PHF2: variants seen among roughly 807,000 people sequenced by gnomAD.
PHF2 encodes PHD finger protein 2.
A neutral mutation model predicts 120.5 loss-of-function variants in PHF2; 27 were observed. The ratio of observed to expected loss-of-function variants is 0.22; its 90% CI spans 0.17 to 0.31. The LOEUF is 0.31. Among genes scored for constraint, PHF2 ranks in the 10% least tolerant of loss-of-function variants. The probability of loss-of-function intolerance (pLI) is 1.00; values close to 1 mark genes in which losing one functional copy is unlikely to be tolerated. For missense variants in PHF2, 1,024 were observed against 1,434.8 expected (o/e 0.71, Z 4.63); for synonymous variants, 568 against 592.5 (o/e 0.96, Z 0.60).
chr9:93,624,222 T>C (rs371847122), intron 1 of PHF2, among the ~76,000 whole-genome samples: 67 of 152,264 alleles, frequency 4.4e-4, no homozygotes, highest in Non-Finnish European at 1.2e-4. Context: ...TGTCTCAGAG[T>C]GAGTGCTCAG....
intron 1 of PHF2, among the ~76,000 whole-genome samples, chr9:93,592,467 A>G (rs1447891098): frequency 6.6e-6 from 1 of 152,162 alleles, no homozygotes; most frequent in East Asian, 1.9e-4. Flanking sequence ...ACACTTGGCA[A>G]CCTGTAAGTT....
At position 93,676,572 on chromosome 9, in the gene PHF2, G is replaced by T. The variant is rs113247284; in HGVS notation, c.2833-22G>T. On this transcript the variant is annotated intron_variant, in intron 20 of 21. Coordinates refer to ENST00000359246, the MANE Select transcript of PHF2 (RefSeq NM_005392.4). ...CCAAGTGGGCTGTGCGTCTGAGGCT[G>T]CCCTGCATGTTTTGTTCAAAGGAGG... is the stretch of plus-strand genomic sequence containing the variant. 2,108 of 1,571,894 alleles carry T rather than the reference G, an allele frequency of 1.3e-3. 17 individuals are homozygous for T. In the African/African-American group the frequency reaches 0.022, roughly 17 times the overall value.
intron 1 of PHF2, among the ~76,000 whole-genome samples, chr9:93,583,826 C>CTTTTTTTT (rs113746371): frequency 1.6e-5 from 2 of 124,630 alleles, no homozygotes; most frequent in East Asian, 2.3e-4. Context: ...TTTTTCTTTT[C>CTTTTTTTT]TTTTTTTTTT....
intron 1 of PHF2, among the ~76,000 whole-genome samples, chr9:93,585,939 C>G (rs538841304): frequency 6.6e-6 from 1 of 152,320 alleles, no homozygotes; most frequent in East Asian, 1.9e-4. Context: ...CTGCCAGGTT[C>G]CACCTCACCA....
chr9:93,663,568 A>G lies in PHF2; in HGVS notation c.1870A>G (p.Lys624Glu). 1 of 1,613,430 alleles carries G rather than the reference A, an allele frequency of 6.2e-7. No homozygotes were observed. Among genetic ancestry groups the G allele is most frequent in the Non-Finnish European group, 8.5e-7 (1 of 1,179,596 alleles). The change falls in exon 14 of 22, where the codon AAG (lysine) becomes GAG (glutamate). Residue 624 changes from lysine to glutamate, a missense_variant. By Grantham distance (56) the Lys-to-Glu change is moderately conservative (BLOSUM62 1). Around this residue, in one of 2 missense-constraint regions of PHF2, gnomAD observed 677 missense variants for 857.4 expected, o/e 0.79. Coordinates refer to ENST00000359246, the MANE Select transcript of PHF2 (RefSeq NM_005392.4). ...GATGGAAGAGGAGCAGAAGCTAGAG[A>G]AGTCGCCTCTAGCTGGAAACAAAGA... ...LKMEEEQKLE[K>E]SPLAGNKDNK...
At chr9:93,673,532 T>C in intron 17 of PHF2, 53 bp from the exon 18 acceptor site, 2 of 1,484,714 alleles carry the variant, frequency 1.3e-6, no homozygotes, top group Non-Finnish European at 1.8e-6. Flanking sequence ...TTTAAGTGCC[T>C]GGGCTGCAGG....
chr9:93,579,176 T>C (rs1862889154), intron 1 of PHF2, among the ~76,000 whole-genome samples: 1 of 152,230 alleles, frequency 6.6e-6, no homozygotes, highest in South Asian at 2.1e-4. Flanking sequence ...TGAACGTGTG[T>C]GACCAGACCC....
At position 93,589,333 on chromosome 9, in the gene PHF2, T is replaced by G. The variant is rs947718418; in HGVS notation, c.98+12462T>G. The stretch of plus-strand genomic sequence containing the variant: ...CTGTGTGTGTGGTGGGTGGGATTTC[T>G]CAGCCTCTGCACGGCTGACGTCTGG... On this transcript the variant is annotated intron_variant, in intron 1 of 21. Transcript: ENST00000359246. Among the ~76,000 whole-genome samples, 55 of 151,384 alleles carry G rather than the reference T, an allele frequency of 3.6e-4. 2 individuals carry two copies. Among genetic ancestry groups the G allele is most frequent in the African/African-American group, 1.3e-3 (54 of 40,832 alleles).
At chr9:93,576,900 C>A in intron 1 of PHF2, 29 bp downstream of exon 1, 2 of 888,948 alleles carry the variant, frequency 2.2e-6, no homozygotes, top group Admixed American at 4.4e-5. Flanking sequence ...CTCGGCTCGG[C>A]CCGGCCCGGC....
intron 1 of PHF2, among the ~76,000 whole-genome samples, chr9:93,613,664 A>G (rs58925215): frequency 0.047 from 7,104 of 151,642 alleles, 577 homozygotes; most frequent in African/African-American, 0.16. Context: ...GGCTCAAGCA[A>G]GGAACTCCTT....
chr9:93,637,370 A>G (rs1259242549), intron 3 of PHF2, among the ~76,000 whole-genome samples: 7 of 152,166 alleles, frequency 4.6e-5, no homozygotes, highest in Non-Finnish European at 7.4e-5. Context: ...GGTGGATTTT[A>G]CTGTATTCAC....
intron 1 of PHF2, among the ~76,000 whole-genome samples, chr9:93,578,499 T>C (rs1341122994): frequency 1.3e-5 from 2 of 152,196 alleles, no homozygotes; most frequent in Non-Finnish European, 2.9e-5. Flanking sequence ...CTCCCCCATC[T>C]CCACCGGAGC....
At position 93,652,948 on chromosome 9, in the gene PHF2, G is replaced by C. The variant is rs373789981; in HGVS notation, c.603-231G>C. On this transcript the variant is annotated intron_variant, in intron 5 of 21. Coordinates refer to ENST00000359246, the MANE Select transcript of PHF2 (RefSeq NM_005392.4). ...TTTTGGGGCCTTCTCATTATCTTCTGGGGGTGGAGGCCAGCGTCAGACCCA... is the reference window on the plus strand; with the variant it reads ...TTTTGGGGCCTTCTCATTATCTTCTCGGGGTGGAGGCCAGCGTCAGACCCA... 1.7e-3 allele frequency among the ~76,000 whole-genome samples: 262 copies of C among 152,306 alleles called. 2 individuals are homozygous for C. The highest frequency in any genetic ancestry group is 2.5e-3 in the Non-Finnish European group (173 of 68,020).
chr9:93,579,536 G>A (rs1394043332), intron 1 of PHF2, among the ~76,000 whole-genome samples: 7 of 152,152 alleles, frequency 4.6e-5, no homozygotes, highest in African/African-American at 1.7e-4. Flanking sequence ...TCGTTTTTCT[G>A]TTCTTGGATC....
At chr9:93,625,801 T>C (rs1048065851) in intron 1 of PHF2, among the ~76,000 whole-genome samples, 2 of 152,122 alleles carry the variant, frequency 1.3e-5, no homozygotes, top group African/African-American at 2.4e-5. Context: ...CTTTTGGGTA[T>C]GTATCTGTCA....
intron 3 of PHF2, among the ~76,000 whole-genome samples, chr9:93,644,934 C>T (rs1243820276): frequency 6.6e-6 from 1 of 152,184 alleles, no homozygotes; most frequent in Non-Finnish European, 1.5e-5. Flanking sequence ...TAGTAGGGAG[C>T]AGGCCAGGAC....
chr9:93,653,058 AC>A (rs1826395504), intron 5 of PHF2, 120 bp from the exon 6 acceptor site: 1 of 810,580 alleles, frequency 1.2e-6, no homozygotes, highest in Admixed American at 2.5e-5. Flanking sequence ...GGGAGCTGTG[AC>A]CCGTGGCCCG....
intron 1 of PHF2, among the ~76,000 whole-genome samples, chr9:93,605,877 C>A (rs2131621408): frequency 6.6e-6 from 1 of 152,246 alleles, no homozygotes; most frequent in Middle Eastern, 3.4e-3. Flanking sequence ...CATCCATGTG[C>A]AAGTTTTTCT....
intron 1 of PHF2, among the ~76,000 whole-genome samples, chr9:93,582,308 C>T (rs957924731): frequency 1.3e-5 from 2 of 152,184 alleles, no homozygotes; most frequent in Admixed American, 6.5e-5. Flanking sequence ...GATAACTGCT[C>T]GTGTCCATGG....
Sources: gnomAD v4.1 joint callset for allele counts (sites outside exome capture counted in the v4.1 genomes callset) on GRCh38, gnomAD v4.1.1 for gene constraint, gnomAD v4.1.1 regional missense constraint, MANE v1.5 for transcripts, NCBI Gene and HGNC (gene_info 2026-07-23, HGNC 2026-07-21) for gene names.